Variants in ZC3HC1 observed in about 807,000 individuals in gnomAD.
The protein encoded by ZC3HC1 is zinc finger C3HC-type containing 1, also known as zinc finger C3HC-type protein 1.
Under a neutral mutation model 61.9 loss-of-function variants are expected in ZC3HC1, and 38 were observed. The ratio of observed to expected loss-of-function variants is 0.61; its 90% confidence interval spans 0.47 to 0.81. The LOEUF is 0.81. Ranked by LOEUF, ZC3HC1 falls within the 30% of genes least tolerant of loss-of-function variation. ZC3HC1 has a pLI of 0.00. For synonymous variants in ZC3HC1, 213 were observed against 229.9 expected (o/e 0.93, Z 0.67); for missense variants, 554 against 622.7 (o/e 0.89, Z 1.17).
At chr7:130,037,113 T>G (rs1331491174) in intron 4 of ZC3HC1, 1 of 152,010 alleles carries the variant, frequency 6.6e-6, no homozygotes, top group African/African-American at 2.4e-5. Flanking sequence ...GTGACAAGAG[T>G]TGGGAACCAC....
Position 130,024,218 on chromosome 7 carries a change from A to G in ZC3HC1, c.1020+45T>C, listed in dbSNP as rs764004124. On this transcript the variant is annotated intron_variant, in intron 7 of 9. Transcript: ENST00000358303. ...ACTTTCTACCAACAACACTTTTGCC[A>G]AGAATGTTGTTTAAAATTCCACCCC... 4.5e-6 allele frequency: 7 copies of G among 1,542,218 alleles called. No homozygotes were observed. In the African/African-American group the frequency reaches 8.3e-5, roughly 18 times the overall value.
chr7:130,048,686 C>G (rs1199680699), intron 2 of ZC3HC1, among the ~76,000 whole-genome samples: 2 of 152,066 alleles, frequency 1.3e-5, no homozygotes, highest in Non-Finnish European at 2.9e-5. Context: ...ATAACCTGCC[C>G]CAAACTGTTT....
At chr7:130,039,066 C>G (rs1349188356) in intron 4 of ZC3HC1, among the ~76,000 whole-genome samples, 1 of 152,040 alleles carries the variant, frequency 6.6e-6, no homozygotes, top group East Asian at 1.9e-4. Context: ...AGGCCGGGCA[C>G]AGTGGATCAC....
chr7:130,025,828 G>A (rs1265754745), intron 6 of ZC3HC1, among the ~76,000 whole-genome samples: 2 of 116,192 alleles, frequency 1.7e-5, no homozygotes, highest in Admixed American at 2.7e-4. Context: ...GATCGCGCAC[G>A]CCACTACCCT....
chr7:130,046,993 A>T (rs1794892442), intron 2 of ZC3HC1, among the ~76,000 whole-genome samples: 2 of 138,496 alleles, frequency 1.4e-5, no homozygotes, highest in African/African-American at 5.5e-5. Flanking sequence ...ATGGAGTCTC[A>T]TTCCTGTCGC....
At chr7:130,048,949 A>G in intron 2 of ZC3HC1, 84 bp downstream of exon 2, 1 of 971,936 alleles carries the variant, frequency 1.0e-6, no homozygotes. Flanking sequence ...TTAAGTTTAA[A>G]GCATCACAGT....
intron 5 of ZC3HC1, chr7:130,027,027 A>G (rs886427284): frequency 1.3e-5 from 2 of 151,254 alleles, no homozygotes; most frequent in Non-Finnish European, 2.9e-5. Context: ...GGGTCTCACT[A>G]TGTTGGCCAT....
intron 5 of ZC3HC1, 27 bp downstream of exon 5, chr7:130,028,875 A>G: frequency 6.2e-7 from 1 of 1,605,522 alleles, no homozygotes; most frequent in Non-Finnish European, 8.5e-7. Flanking sequence ...ACTGGAGGCC[A>G]TTGCAGCCTA....
At chr7:130,045,815 C>T (rs1443747751) in intron 2 of ZC3HC1, among the ~76,000 whole-genome samples, 3 of 145,190 alleles carry the variant, frequency 2.1e-5, no homozygotes, top group Non-Finnish European at 4.5e-5. Flanking sequence ...CGCTTGAACC[C>T]GGGAGGCAGA....
rs1793782562 is a variant in ZC3HC1, at chr7:130,024,270, G to A, written c.1013C>T (p.Ser338Leu). The A allele has an allele frequency of 2.5e-6, 4 of 1,609,270 alleles. No homozygotes were observed. Among genetic ancestry groups the A allele is most frequent in the South Asian group, 1.1e-5 (1 of 90,688 alleles). Residue 338 changes from serine to leucine, a missense_variant, in exon 7 of 10, where the codon TCA becomes TTA. Physicochemically the swap from Ser to Leu is moderately radical, Grantham distance 145. Coordinates refer to ENST00000358303, the MANE Select transcript of ZC3HC1 (RefSeq NM_016478.5). ...AATAAGCTAAGTGAATACCTGCTCT[G>A]AGCCTGGGGAGAAAGTGGCATCCTG... Reference protein sequence around the residue: ...RSQDATFSPGSEQAEKSPGPI... With the variant: ...RSQDATFSPGLEQAEKSPGPI...
chr7:130,024,938 T>G (rs148324753), intron 6 of ZC3HC1, among the ~76,000 whole-genome samples: 1 of 142,502 alleles, frequency 7.0e-6, no homozygotes, highest in Non-Finnish European at 1.5e-5. Context: ...AGAGTTTTGC[T>G]CTTGTTGCCC....
chr7:130,027,220 A>T (rs1793956527), intron 5 of ZC3HC1: 1 of 152,156 alleles, frequency 6.6e-6, no homozygotes, highest in South Asian at 2.1e-4. Flanking sequence ...GGAAAAAAAA[A>T]ATTGCCTTGG....
chr7:130,022,512 C>A lies in ZC3HC1; in HGVS notation c.1247G>T (p.Arg416Leu), dbSNP rs77376783. 6.2e-7 allele frequency: 1 copy of A among 1,613,846 alleles called. No homozygotes were observed. Among genetic ancestry groups the A allele is most frequent in the Non-Finnish European group, 8.5e-7 (1 of 1,179,916 alleles). The change falls in exon 9 of 10, where the codon CGA (arginine) becomes CTA (leucine). Residue 416 changes from arginine (R) to leucine (L), a missense_variant. Physicochemically the swap from Arg to Leu is moderately radical, Grantham distance 102 (BLOSUM62 -2). Transcript: ENST00000358303. ...CSSSSSDTSS[R>L]SFFDPTSQHR... ...CTGAGAGGTGGGATCAAAGAAGCTT[C>A]GGGAAGATGTGTCCTGAGGAAGGAG...
In ZC3HC1 at chr7:130,029,824, C is replaced by T. The variant is rs527439660; in HGVS notation, c.494-795G>A. 8.3e-4 allele frequency among the ~76,000 whole-genome samples: 126 copies of T among 152,214 alleles called. 2 individuals are homozygous for T. Among genetic ancestry groups the T allele is most frequent in the Non-Finnish European group, 1.3e-3 (90 of 68,018 alleles). ...TTAAAGAACCATCATTTTATAACTA[C>T]CAAGTTATAACTTACTGTGAGCTAA... is the stretch of plus-strand genomic sequence containing the variant. On this transcript the variant is annotated intron_variant, in intron 4 of 9. Transcript: ENST00000358303.
chr7:130,018,432 T>G lies in ZC3HC1; in HGVS notation c.*232A>C, dbSNP rs1360860886. 4.2e-6 allele frequency: 2 copies of G among 478,682 alleles called. No homozygotes were observed. Among genetic ancestry groups the G allele is most frequent in the East Asian group, 6.3e-5 (2 of 31,880 alleles). The allele number at this position is 478,682 out of a possible 1,614,324, so 29.7% of individuals were successfully genotyped here. A position where few individuals can be genotyped will look rare whatever the true frequency, so the allele number is the denominator to read the frequency against. ...CTAGTCTGTTAATCCCACACTCCTT[T>G]AACAGAACCATGCTTGCTGCCCTTA... On this transcript the variant is annotated 3_prime_UTR_variant, in exon 10 of 10. Transcript: ENST00000358303.
intron 1 of ZC3HC1, among the ~76,000 whole-genome samples, chr7:130,050,127 G>C (rs1378182074): frequency 6.6e-6 from 1 of 151,950 alleles, no homozygotes; most frequent in African/African-American, 2.4e-5. Flanking sequence ...ACTCAGGCTG[G>C]AGTGCAGTGA....
intron 3 of ZC3HC1, among the ~76,000 whole-genome samples, chr7:130,039,833 C>T (rs536605187): frequency 6.6e-6 from 1 of 151,972 alleles, no homozygotes; most frequent in African/African-American, 2.4e-5. Context: ...CGGCTCATTG[C>T]AACCTCCATC....
At position 130,039,332 on chromosome 7, in the gene ZC3HC1, G is replaced by A. The variant is rs1405988981; in HGVS notation, c.493+132C>T. The A allele has an allele frequency of 3.9e-6, 3 of 774,254 alleles. No individual in the cohort carries two copies. In the Admixed American group the frequency reaches 8.9e-5, roughly 23 times the overall value. The allele number at this position is 774,254 out of a possible 1,614,324, so 48.0% of individuals were successfully genotyped here. On this transcript the variant is annotated intron_variant, in intron 4 of 9. Transcript: ENST00000358303. ...GTACTCCAGCCTGGGCAACAAGAGT[G>A]AAACTCCATCTCAAAAAAAAAAAAG... is the stretch of plus-strand genomic sequence containing the variant.
In ZC3HC1 at chr7:130,024,142, T is replaced by A. The variant is rs114780169; in HGVS notation, c.1020+121A>T. The A allele has an allele frequency of 7.1e-4, 969 of 1,357,012 alleles. 7 individuals carry two copies. In the African/African-American group the frequency reaches 0.013, roughly 18 times the overall value. 84.1% of individuals were successfully genotyped at this position (1,357,012 alleles called of 1,614,324 possible). On this transcript the variant is annotated intron_variant, in intron 7 of 9. Transcript: ENST00000358303. ...TAGTGAACAGAAACACTATGTGGTA[T>A]CGTAACCAATGTAGTGGGAAGAGAA... is the stretch of plus-strand genomic sequence containing the variant.
Sources: gnomAD v4.1 joint callset for allele counts (sites outside exome capture counted in the v4.1 genomes callset) on GRCh38, gnomAD v4.1.1 for gene constraint, MANE v1.5 for transcripts, NCBI Gene and HGNC (gene_info 2026-07-23, HGNC 2026-07-21) for gene names.